RAPGEF6: variants seen among roughly 807,000 people sequenced by gnomAD.
The protein encoded by RAPGEF6 is PDZ domain containing guanine nucleotide exchange factor (GEF) 2.
In RAPGEF6, 56 loss-of-function variants were observed where a neutral mutation model predicts 171.4. That is an observed-to-expected ratio of 0.33 (90% CI 0.26 to 0.41). The LOEUF is 0.41. Ranked by LOEUF, RAPGEF6 falls within the 10% of genes least tolerant of loss-of-function variation. The pLI is 1.00. For missense variants in RAPGEF6, 1,674 were observed against 1,921.4 expected (o/e 0.87, Z 2.41); for synonymous variants, 692 against 650.1 (o/e 1.06, Z -0.98).
chr5:131,532,535 T>A (rs1206732469), intron 6 of RAPGEF6, among the ~76,000 whole-genome samples: 1 of 152,174 alleles, frequency 6.6e-6, no homozygotes, highest in Non-Finnish European at 1.5e-5. Context: ...AAACCTTTCC[T>A]CTCTGTAATA....
chr5:131,563,291 T>C (rs1344468620), intron 4 of RAPGEF6, among the ~76,000 whole-genome samples: 3 of 151,990 alleles, frequency 2.0e-5, no homozygotes, highest in African/African-American at 4.8e-5. Context: ...AAACATCTAA[T>C]AAATAAATAA....
At chr5:131,543,802 T>C (rs1176169368) in intron 6 of RAPGEF6, among the ~76,000 whole-genome samples, 4 of 152,194 alleles carry the variant, frequency 2.6e-5, no homozygotes, top group African/African-American at 9.6e-5. Context: ...ACCTTTCTGC[T>C]ATCTAAATAC....
chr5:131,452,434 CTT>C (rs201667861), intron 21 of RAPGEF6, among the ~76,000 whole-genome samples: 2,023 of 151,634 alleles, frequency 0.013, 41 homozygotes, highest in African/African-American at 0.046. Context: ...GTAATAAAAA[CTT>C]ATATACAAAT....
chr5:131,585,524 AAAAAAAC>A (rs952889638), intron 4 of RAPGEF6, among the ~76,000 whole-genome samples: 3 of 152,040 alleles, frequency 2.0e-5, no homozygotes, highest in African/African-American at 7.2e-5. Context: ...AGAAACTCAA[AAAAAAAC>A]AAAAATGCAA....
intron 7 of RAPGEF6, among the ~76,000 whole-genome samples, chr5:131,515,311 G>C (rs1369179202): frequency 1.3e-5 from 2 of 152,140 alleles, no homozygotes; most frequent in Admixed American, 1.3e-4. Flanking sequence ...ACTCTATGAA[G>C]TTAATCTTTC....
intron 21 of RAPGEF6, 83 bp from the exon 22 acceptor site, chr5:131,446,786 T>C: frequency 2.4e-6 from 3 of 1,266,288 alleles, no homozygotes; most frequent in Non-Finnish European, 3.3e-6. Context: ...GATTTTGTTC[T>C]GTTAATGCTA....
intron 4 of RAPGEF6, among the ~76,000 whole-genome samples, chr5:131,565,596 C>A (rs1761882497): frequency 6.6e-6 from 1 of 152,068 alleles, no homozygotes; most frequent in African/African-American, 2.4e-5. Flanking sequence ...CAGATTCTGG[C>A]ACACTATTAA....
chr5:131,548,263 C>G, intron 5 of RAPGEF6, 73 bp from the exon 6 acceptor site: 1 of 1,457,906 alleles, frequency 6.9e-7, no homozygotes, highest in Non-Finnish European at 9.4e-7. Context: ...GGAGTCTTAA[C>G]AGACTCATAA....
intron 24 of RAPGEF6, among the ~76,000 whole-genome samples, chr5:131,437,181 A>G (rs897131075): frequency 1.3e-5 from 2 of 152,244 alleles, no homozygotes; most frequent in Admixed American, 6.5e-5. Context: ...TTTGAAGAGA[A>G]GAATTTCTTC....
chr5:131,477,738 C>G (rs1224730485), intron 16 of RAPGEF6, among the ~76,000 whole-genome samples: 1 of 152,166 alleles, frequency 6.6e-6, no homozygotes, highest in Non-Finnish European at 1.5e-5. Flanking sequence ...TTAGATGATA[C>G]ATGTCACAAC....
intron 20 of RAPGEF6, among the ~76,000 whole-genome samples, chr5:131,454,511 A>G (rs932606773): frequency 2.0e-5 from 3 of 152,218 alleles, no homozygotes; most frequent in African/African-American, 7.2e-5. Context: ...AACGATGTTG[A>G]ATATGTTCAA....
intron 4 of RAPGEF6, among the ~76,000 whole-genome samples, chr5:131,581,024 G>A (rs557391140): frequency 5.9e-5 from 9 of 152,252 alleles, no homozygotes; most frequent in African/African-American, 1.7e-4. Flanking sequence ...CTTGGAACTG[G>A]AATAGCAGGC....
chr5:131,461,555 AAAT>A, intron 19 of RAPGEF6, 147 bp downstream of exon 19: 1 of 785,620 alleles, frequency 1.3e-6, no homozygotes, highest in Non-Finnish European at 1.8e-6. Context: ...AATACCACCA[AAAT>A]GGAAAATACA....
chr5:131,559,862 A>G (rs80332537), intron 5 of RAPGEF6, among the ~76,000 whole-genome samples: 4,847 of 152,096 alleles, frequency 0.032, 124 homozygotes, highest in Non-Finnish European at 0.049. Flanking sequence ...AAAAGAAAAA[A>G]AAAAGTTAAA....
At chr5:131,527,660 C>G (rs1758975981) in intron 6 of RAPGEF6, among the ~76,000 whole-genome samples, 1 of 152,084 alleles carries the variant, frequency 6.6e-6, no homozygotes, top group African/African-American at 2.4e-5. Context: ...ATAGGAGACA[C>G]TAGTTGAAGC....
At chr5:131,450,135 C>A (rs1431474969) in intron 21 of RAPGEF6, 1 of 1,329,636 alleles carries the variant, frequency 7.5e-7, no homozygotes, top group African/African-American at 1.5e-5. Flanking sequence ...AGAAACTATG[C>A]AGACAGAAAA....
At chr5:131,593,386 CTATAAT>C (rs1044467099) in intron 3 of RAPGEF6, among the ~76,000 whole-genome samples, 1 of 152,070 alleles carries the variant, frequency 6.6e-6, no homozygotes, top group African/African-American at 2.4e-5. Context: ...TCTAATTTTG[CTATAAT>C]TATATGTGCA....
intron 7 of RAPGEF6, among the ~76,000 whole-genome samples, chr5:131,511,063 G>A (rs1211024378): frequency 6.6e-6 from 1 of 152,128 alleles, no homozygotes; most frequent in African/African-American, 2.4e-5. Context: ...ATACTTTACT[G>A]TAGGATCTAA....
At chr5:131,607,929 C>T (rs910852145) in intron 1 of RAPGEF6, among the ~76,000 whole-genome samples, 2 of 152,162 alleles carry the variant, frequency 1.3e-5, no homozygotes, top group South Asian at 2.1e-4. Flanking sequence ...ATATATAAAA[C>T]GTTTTTCATA....
Sources: gnomAD v4.1 joint callset for allele counts (sites outside exome capture counted in the v4.1 genomes callset) on GRCh38, gnomAD v4.1.1 for gene constraint, MANE v1.5 for transcripts, NCBI Gene and HGNC (gene_info 2026-07-23, HGNC 2026-07-21) for gene names.